Variants in TAFA4 observed in about 807,000 individuals in gnomAD.
The protein encoded by TAFA4 is chemokine-like protein TAFA-4.
A neutral mutation model predicts 21.1 loss-of-function variants in TAFA4; 20 were observed. That is an observed-to-expected ratio of 0.95 (90% CI 0.67 to 1.38). The LOEUF is 1.38. Among genes scored for constraint, TAFA4 ranks in the 40% most tolerant of loss-of-function variants. TAFA4 has a pLI of 0.00. For missense variants in TAFA4, 211 were observed against 180.9 expected, an observed-to-expected ratio of 1.17 and a Z score of -0.95; for synonymous variants, 71 against 67.4, an observed-to-expected ratio of 1.05 and a Z score of -0.26.
chr3:68,864,851 A>ATGATT (rs376948118), intron 3 of TAFA4, among the ~76,000 whole-genome samples: 23,324 of 152,040 alleles, frequency 0.15, 2,728 homozygotes, highest in African/African-American at 0.33. Flanking sequence ...ACAATTATGC[A>ATGATT]GAAAGAAACC....
chr3:68,795,408 A>T (rs1703437372), intron 3 of TAFA4, among the ~76,000 whole-genome samples: 1 of 151,924 alleles, frequency 6.6e-6, no homozygotes. Context: ...TCAGCTACAG[A>T]TCATATGACC....
At chr3:68,828,760 G>A (rs564280107) in intron 3 of TAFA4, among the ~76,000 whole-genome samples, 1 of 152,306 alleles carries the variant, frequency 6.6e-6, no homozygotes, top group East Asian at 1.9e-4. Context: ...TTGCTTATCA[G>A]CTTAAGGAGA....
At chr3:68,915,576 G>A (rs1281987952) in intron 1 of TAFA4, among the ~76,000 whole-genome samples, 1 of 152,148 alleles carries the variant, frequency 6.6e-6, no homozygotes, top group Non-Finnish European at 1.5e-5. Context: ...GGTGATGGAA[G>A]ATGAATTTTC....
chr3:68,812,715 C>A (rs951783246), intron 3 of TAFA4, among the ~76,000 whole-genome samples: 2 of 152,076 alleles, frequency 1.3e-5, no homozygotes, highest in African/African-American at 2.4e-5. Flanking sequence ...GACTGCCACA[C>A]AATAATAATG....
At position 68,739,082 on chromosome 3, in the gene TAFA4, G is replaced by A; in HGVS notation, c.404C>T (p.Thr135Ile). The change falls in exon 5 of 6, where the codon ACT becomes ATT. Residue 135 changes from threonine to isoleucine, a missense_variant. By Grantham distance (89) the Thr-to-Ile change is moderately conservative. Coordinates refer to ENST00000295569, the MANE Select transcript of TAFA4 (RefSeq NM_182522.5). Reference sequence around the variant, plus strand: ...CATTTTGTCTATACTTGCCTTCGTAGTTTTGACTTTATTGCCACTGCTACA... The same window carrying A: ...CATTTTGTCTATACTTGCCTTCGTAATTTTGACTTTATTGCCACTGCTACA... Reference protein sequence around the residue: ...WSCSSGNKVKTTKVTR With the variant: ...WSCSSGNKVKITKVTR 1 of 1,613,668 alleles carries A rather than the reference G, an allele frequency of 6.2e-7. No homozygotes were observed. The highest frequency in any genetic ancestry group is 8.5e-7 in the Non-Finnish European group (1 of 1,179,786).
intron 1 of TAFA4, among the ~76,000 whole-genome samples, chr3:68,914,837 G>A (rs946736217): frequency 2.0e-5 from 3 of 152,174 alleles, no homozygotes; most frequent in East Asian, 1.9e-4. Context: ...ACTGAGAATC[G>A]TGTTGACCTT....
At chr3:68,844,986 T>C (rs542187963) in intron 3 of TAFA4, among the ~76,000 whole-genome samples, 15 of 152,354 alleles carry the variant, frequency 9.8e-5, no homozygotes, top group African/African-American at 3.6e-4. Flanking sequence ...GAGAAGAATG[T>C]GTATTCTGCT....
chr3:68,867,147 A>G (rs557604172), intron 3 of TAFA4, among the ~76,000 whole-genome samples: 1 of 151,952 alleles, frequency 6.6e-6, no homozygotes, highest in African/African-American at 2.4e-5. Flanking sequence ...CAAACTCTCA[A>G]AGGTCAAGGA....
intron 3 of TAFA4, among the ~76,000 whole-genome samples, chr3:68,810,705 T>G (rs1703816014): frequency 6.6e-6 from 1 of 152,138 alleles, no homozygotes; most frequent in Non-Finnish European, 1.5e-5. Context: ...CCACCGCAGC[T>G]CAAGGAGGAC....
chr3:68,914,841 T>C (rs936479620), intron 1 of TAFA4, among the ~76,000 whole-genome samples: 4 of 152,184 alleles, frequency 2.6e-5, no homozygotes, highest in Non-Finnish European at 1.5e-5. Context: ...AGAATCGTGT[T>C]GACCTTCCCA....
chr3:68,733,933 G>C (rs1702196129), intron 5 of TAFA4, among the ~76,000 whole-genome samples: 1 of 152,020 alleles, frequency 6.6e-6, no homozygotes, highest in Non-Finnish European at 1.5e-5. Context: ...TTTGTGCTGG[G>C]TAACTACAGC....
intron 3 of TAFA4, among the ~76,000 whole-genome samples, chr3:68,869,443 A>C (rs1249059525): frequency 6.6e-6 from 1 of 152,092 alleles, no homozygotes; most frequent in Non-Finnish European, 1.5e-5. Flanking sequence ...TGATGAACAC[A>C]GATGTAAACG....
chr3:68,741,880 C>T (rs1017423024), intron 4 of TAFA4, among the ~76,000 whole-genome samples: 5 of 152,102 alleles, frequency 3.3e-5, no homozygotes, highest in African/African-American at 4.8e-5. Context: ...CATTTAATAA[C>T]GCCGGCATTA....
In TAFA4 at chr3:68,885,158, C is replaced by T. The variant is rs775335276; in HGVS notation, c.14+17G>A. 82 of 1,611,426 alleles carry T rather than the reference C, an allele frequency of 5.1e-5. No individual in the cohort carries two copies. Among genetic ancestry groups the T allele is most frequent in the Non-Finnish European group, 6.8e-5 (80 of 1,178,504 alleles). ...TGTAAAGATATCATGTCCAGGTGAA[C>T]GTTAAAATAATCTTACCTTGGGGAC... On this transcript the variant is annotated intron_variant, in intron 2 of 5. Coordinates refer to ENST00000295569, the MANE Select transcript of TAFA4 (RefSeq NM_182522.5).
At chr3:68,737,381 C>T (rs1365064251) in intron 5 of TAFA4, among the ~76,000 whole-genome samples, 1 of 152,100 alleles carries the variant, frequency 6.6e-6, no homozygotes, top group African/African-American at 2.4e-5. Flanking sequence ...CGAGTGTTGA[C>T]CTCCTTGCAC....
chr3:68,925,327 T>C (rs971054456), intron 1 of TAFA4, among the ~76,000 whole-genome samples: 1 of 152,184 alleles, frequency 6.6e-6, no homozygotes, highest in Non-Finnish European at 1.5e-5. Flanking sequence ...GAAAAGGTAA[T>C]AGATGTTTAC....
chr3:68,898,806 A>G (rs1226815217), intron 1 of TAFA4, among the ~76,000 whole-genome samples: 1 of 152,228 alleles, frequency 6.6e-6, no homozygotes, highest in Non-Finnish European at 1.5e-5. Context: ...GAAAATAAGT[A>G]AACCCGTTTA....
At chr3:68,800,103 G>A (rs180804693) in intron 3 of TAFA4, among the ~76,000 whole-genome samples, 2 of 152,228 alleles carry the variant, frequency 1.3e-5, no homozygotes, top group Admixed American at 6.5e-5. Flanking sequence ...GCATTATGGT[G>A]AGTTGTATAA....
intron 4 of TAFA4, among the ~76,000 whole-genome samples, 178 bp downstream of exon 4, chr3:68,752,685 G>C (rs1702578549): frequency 6.6e-6 from 1 of 152,124 alleles, no homozygotes; most frequent in Non-Finnish European, 1.5e-5. Flanking sequence ...GGACATTATT[G>C]AAGGCATATC....
Sources: gnomAD v4.1 joint callset for allele counts (sites outside exome capture counted in the v4.1 genomes callset) on GRCh38, gnomAD v4.1.1 for gene constraint, MANE v1.5 for transcripts, NCBI Gene and HGNC (gene_info 2026-07-23, HGNC 2026-07-21) for gene names.